Variants in ARFIP1 observed in about 807,000 individuals in gnomAD.
ARFIP1 encodes the protein arfaptin-1.
Under a neutral mutation model 42.5 loss-of-function variants are expected in ARFIP1, and 24 were observed. The observed-to-expected ratio is 0.57, with a 90% confidence interval of 0.41 to 0.80. The LOEUF (loss-of-function observed/expected upper bound fraction) is 0.80, where lower values mean the gene tolerates loss of function less well. Ranked by LOEUF, ARFIP1 falls within the 30% of genes least tolerant of loss-of-function variation. The pLI is 0.00. For missense variants in ARFIP1, 354 were observed against 434.0 expected, an observed-to-expected ratio of 0.82 and a Z score of 1.64; for synonymous variants, 141 against 153.7, an observed-to-expected ratio of 0.92 and a Z score of 0.61.
At chr4:152,783,836 T>G (rs1406823443) in intron 1 of ARFIP1, among the ~76,000 whole-genome samples, 2 of 150,104 alleles carry the variant, frequency 1.3e-5, no homozygotes, top group African/African-American at 4.9e-5. Flanking sequence ...AAGTCTCTGG[T>G]GTGTGTGTGT....
At chr4:152,845,684 A>G (rs1300388216) in intron 2 of ARFIP1, among the ~76,000 whole-genome samples, 1 of 152,230 alleles carries the variant, frequency 6.6e-6, no homozygotes, top group African/African-American at 2.4e-5. Flanking sequence ...CTTTTATTAA[A>G]AAGACAAAAA....
At chr4:152,833,760 G>C (rs1731429168) in intron 2 of ARFIP1, among the ~76,000 whole-genome samples, 1 of 152,186 alleles carries the variant, frequency 6.6e-6, no homozygotes, top group African/African-American at 2.4e-5. Context: ...ATTAGGCTAA[G>C]TACAATAAGC....
intron 1 of ARFIP1, 37 bp from the exon 2 acceptor site, chr4:152,829,588 T>G (rs1165763927): frequency 5.0e-6 from 7 of 1,405,486 alleles, no homozygotes; most frequent in Non-Finnish European, 5.0e-6. Context: ...TATGATTTGG[T>G]ATTAGTTACG....
At chr4:152,860,017 C>T (rs1311208291) in intron 2 of ARFIP1, among the ~76,000 whole-genome samples, 2 of 151,972 alleles carry the variant, frequency 1.3e-5, no homozygotes, top group Non-Finnish European at 2.9e-5. Flanking sequence ...TATGAAAATA[C>T]ATTCTTAGAT....
At chr4:152,814,825 GC>G (rs1389162678) in intron 1 of ARFIP1, among the ~76,000 whole-genome samples, 2 of 152,372 alleles carry the variant, frequency 1.3e-5, no homozygotes, top group East Asian at 3.9e-4. Context: ...AAAGCTAAAA[GC>G]CTAGGAGACG....
intron 1 of ARFIP1, among the ~76,000 whole-genome samples, chr4:152,827,771 G>T (rs1033319069): frequency 6.6e-6 from 1 of 152,112 alleles, no homozygotes; most frequent in Non-Finnish European, 1.5e-5. Flanking sequence ...TACCTCCTGG[G>T]CTCAAATGAT....
intron 1 of ARFIP1, among the ~76,000 whole-genome samples, chr4:152,822,923 T>C (rs1262518718): frequency 1.3e-5 from 2 of 152,070 alleles, no homozygotes; most frequent in Non-Finnish European, 2.9e-5. Flanking sequence ...TGCTAACAAA[T>C]GTGCTAAACA....
At position 152,863,598 on chromosome 4, in the gene ARFIP1, T is replaced by G; in HGVS notation, c.94-8T>G. The stretch of plus-strand genomic sequence containing the variant: ...CAAAGTTTTTTCTTTTATTTAAATC[T>G]TGCTAAGGATTTGAAGCATTCATTA... On this transcript the variant is annotated splice_polypyrimidine_tract_variant and splice_region_variant and intron_variant, in intron 2 of 8. Coordinates refer to ENST00000353617, the MANE Select transcript of ARFIP1 (RefSeq NM_001025595.3). The G allele has an allele frequency of 6.6e-7, 1 of 1,507,194 alleles. No individual in the cohort carries two copies. Among genetic ancestry groups the G allele is most frequent in the South Asian group, 1.2e-5 (1 of 85,756 alleles). The allele number at this position is 1,507,194 out of a possible 1,614,324, so 93.4% of individuals were successfully genotyped here.
intron 8 of ARFIP1, among the ~76,000 whole-genome samples, chr4:152,897,978 A>G (rs895611489): frequency 3.5e-5 from 5 of 141,294 alleles, no homozygotes; most frequent in African/African-American, 1.3e-4. Flanking sequence ...TGACTTTGCA[A>G]TGTTCTTTTT....
chr4:152,833,594 C>G (rs1373747814), intron 2 of ARFIP1, among the ~76,000 whole-genome samples: 1 of 152,044 alleles, frequency 6.6e-6, no homozygotes, highest in Non-Finnish European at 1.5e-5. Context: ...AAACAATAGC[C>G]AAAATATGGA....
chr4:152,873,237 G>C (rs1316920582), intron 5 of ARFIP1, among the ~76,000 whole-genome samples: 3 of 152,188 alleles, frequency 2.0e-5, no homozygotes, highest in Non-Finnish European at 4.4e-5. Context: ...GCTCAGGTTA[G>C]AACATTAGCC....
chr4:152,792,128 T>C (rs1475391934), intron 1 of ARFIP1, among the ~76,000 whole-genome samples: 1 of 152,180 alleles, frequency 6.6e-6, no homozygotes, highest in Admixed American at 6.5e-5. Flanking sequence ...AAAATCACTT[T>C]AAAACAAGCC....
intron 1 of ARFIP1, among the ~76,000 whole-genome samples, chr4:152,804,327 ATATATATTT>A (rs1728780807): frequency 1.4e-5 from 1 of 73,196 alleles, no homozygotes. Context: ...AACATGTATT[ATATATATTT>A]TATATATATA....
At chr4:152,798,378 A>T (rs1292415235) in intron 1 of ARFIP1, among the ~76,000 whole-genome samples, 1 of 152,158 alleles carries the variant, frequency 6.6e-6, no homozygotes, top group Non-Finnish European at 1.5e-5. Flanking sequence ...ACTAAAATGT[A>T]TATATTTTAT....
chr4:152,906,471 C>G (rs1470719534), intron 8 of ARFIP1, among the ~76,000 whole-genome samples: 1 of 152,202 alleles, frequency 6.6e-6, no homozygotes, highest in African/African-American at 2.4e-5. Context: ...CTGTCACCTC[C>G]CATCTTGATC....
At chr4:152,855,019 G>A (rs1433792819) in intron 2 of ARFIP1, among the ~76,000 whole-genome samples, 2 of 152,234 alleles carry the variant, frequency 1.3e-5, no homozygotes, top group Non-Finnish European at 2.9e-5. Flanking sequence ...AGCTAGCATA[G>A]CATGGGCAAT....
chr4:152,872,337 CT>C (rs35670437), intron 4 of ARFIP1, 114 bp from the exon 5 acceptor site: 439,536 of 681,742 alleles, frequency 0.64, 143,063 homozygotes, highest in Admixed American at 0.74. Flanking sequence ...TTGTGGGAAC[CT>C]TTTTTTCTTT....
At chr4:152,852,316 A>G (rs886078041) in intron 2 of ARFIP1, among the ~76,000 whole-genome samples, 1 of 152,202 alleles carries the variant, frequency 6.6e-6, no homozygotes, top group Non-Finnish European at 1.5e-5. Flanking sequence ...GCACAGACTT[A>G]TATAACTGAT....
At chr4:152,904,846 A>C (rs894493633) in intron 8 of ARFIP1, among the ~76,000 whole-genome samples, 14 of 152,202 alleles carry the variant, frequency 9.2e-5, no homozygotes, top group Non-Finnish European at 1.5e-4. Context: ...ATAGTGCTGC[A>C]GTAAACATAT....
Sources: gnomAD v4.1 joint callset for allele counts (sites outside exome capture counted in the v4.1 genomes callset) on GRCh38, gnomAD v4.1.1 for gene constraint, MANE v1.5 for transcripts, NCBI Gene and HGNC (gene_info 2026-07-23, HGNC 2026-07-21) for gene names.